ZBTB20: variants seen among roughly 807,000 people sequenced by gnomAD.
ZBTB20 encodes zinc finger and BTB domain-containing protein 20.
Under a neutral mutation model 56.9 loss-of-function variants are expected in ZBTB20, and 9 were observed. That is an observed-to-expected ratio of 0.16 (90% CI 0.10 to 0.28). ZBTB20 has a LOEUF of 0.28. Ranked by LOEUF, ZBTB20 falls within the 10% of genes least tolerant of loss-of-function variation. ZBTB20 has a pLI of 1.00. For synonymous variants in ZBTB20, 417 were observed against 420.7 expected (o/e 0.99, Z 0.11); for missense variants, 655 against 1,003.0 (o/e 0.65, Z 4.69).
rs952616512 is a variant in ZBTB20, at chr3:114,316,072, A to G, written c.*22933T>C. The stretch of plus-strand genomic sequence containing the variant: ...TTGAGGTTTCTGACATCTTTCACTG[A>G]AAAGGGCTTTCACTGTAGTAGTTTT... On this transcript the variant is annotated 3_prime_UTR_variant, in exon 12 of 12. Coordinates refer to ENST00000675478, the MANE Select transcript of ZBTB20 (RefSeq NM_001348800.3). The G allele has an allele frequency of 2.0e-5, 4 of 202,886 alleles. No individual in the cohort carries two copies. The highest frequency in any genetic ancestry group is 9.6e-5 in the African/African-American group (4 of 41,650). 12.6% of individuals were successfully genotyped at this position (202,886 alleles called of 1,614,324 possible). A position where few individuals can be genotyped will look rare whatever the true frequency, so the allele number is the denominator to read the frequency against.
intron 4 of ZBTB20, among the ~76,000 whole-genome samples, chr3:114,829,293 T>C (rs966483459): frequency 1.3e-5 from 2 of 151,982 alleles, no homozygotes; most frequent in South Asian, 2.1e-4. Flanking sequence ...AGGGAATCAA[T>C]GAAGAGATAT....
chr3:114,662,527 TAA>T (rs1277391814), intron 6 of ZBTB20, among the ~76,000 whole-genome samples: 36 of 144,764 alleles, frequency 2.5e-4, no homozygotes, highest in African/African-American at 9.2e-4. Context: ...ACCAACAGTG[TAA>T]AAGTGTTCCT....
At chr3:114,745,231 C>T (rs2066938339) in intron 5 of ZBTB20, among the ~76,000 whole-genome samples, 1 of 152,152 alleles carries the variant, frequency 6.6e-6, no homozygotes, top group African/African-American at 2.4e-5. Context: ...ACAACATCAA[C>T]TACACACCAG....
intron 5 of ZBTB20, among the ~76,000 whole-genome samples, chr3:114,719,554 A>T (rs2064759371): frequency 6.6e-6 from 1 of 152,128 alleles, no homozygotes; most frequent in Non-Finnish European, 1.5e-5. Flanking sequence ...GTATTGGGTT[A>T]TTAGGGGCAC....
At chr3:114,718,199 T>C (rs1400289562) in intron 5 of ZBTB20, among the ~76,000 whole-genome samples, 1 of 152,128 alleles carries the variant, frequency 6.6e-6, no homozygotes, top group Non-Finnish European at 1.5e-5. Flanking sequence ...TAGATCCACT[T>C]AATTGCTCCA....
intron 4 of ZBTB20, among the ~76,000 whole-genome samples, chr3:114,854,104 T>C (rs1267777008): frequency 6.6e-6 from 1 of 152,174 alleles, no homozygotes; most frequent in Non-Finnish European, 1.5e-5. Context: ...TTATTATTAA[T>C]AAAGTTTTGA....
At chr3:114,378,182 A>G (rs2108509275) in intron 10 of ZBTB20, among the ~76,000 whole-genome samples, 1 of 152,332 alleles carries the variant, frequency 6.6e-6, no homozygotes, top group Middle Eastern at 3.4e-3. Flanking sequence ...GTCTTCTCTC[A>G]AGCAATCTCC....
At chr3:114,989,372 T>G (rs1208902742) in intron 2 of ZBTB20, among the ~76,000 whole-genome samples, 1 of 152,226 alleles carries the variant, frequency 6.6e-6, no homozygotes, top group Non-Finnish European at 1.5e-5. Context: ...CTTTCCCTAT[T>G]TCTTGTTTTT....
rs567139142 is a variant in ZBTB20 at position 114,987,155 on chromosome 3, A to G, written c.-506-12739T>C. Among the ~76,000 whole-genome samples, 3 of 152,298 alleles carry G rather than the reference A, an allele frequency of 2.0e-5. No individual in the cohort carries two copies. In the South Asian group the frequency reaches 6.2e-4, roughly 32 times the overall value. On this transcript the variant is annotated intron_variant, in intron 2 of 11. Coordinates refer to ENST00000675478, the MANE Select transcript of ZBTB20 (RefSeq NM_001348800.3). ...TACATAAAGTAAGATTTTAGATAAC[A>G]TGATAAAGTCTGCTTCAGTTTGATT...
At chr3:114,828,727 T>C (rs1455851054) in intron 4 of ZBTB20, among the ~76,000 whole-genome samples, 1 of 151,880 alleles carries the variant, frequency 6.6e-6, no homozygotes, top group Non-Finnish European at 1.5e-5. Context: ...ACTCAATAGT[T>C]TTAGCATCTT....
chr3:114,359,035 C>T (rs1414265534), intron 10 of ZBTB20, among the ~76,000 whole-genome samples: 1 of 152,076 alleles, frequency 6.6e-6, no homozygotes, highest in African/African-American at 2.4e-5. Context: ...AAAATTTTCA[C>T]CAGCCTCATT....
chr3:115,076,692 G>T (rs1006576753), intron 1 of ZBTB20, among the ~76,000 whole-genome samples: 17 of 152,086 alleles, frequency 1.1e-4, no homozygotes, highest in African/African-American at 3.6e-4. Context: ...AAATAAACAG[G>T]TAAGACTATA....
intron 7 of ZBTB20, among the ~76,000 whole-genome samples, chr3:114,457,340 T>C (rs1371683381): frequency 1.3e-5 from 2 of 152,188 alleles, no homozygotes; most frequent in African/African-American, 4.8e-5. Flanking sequence ...ACACAGCTAG[T>C]CATTACACGG....
chr3:114,860,136 A>G (rs991723355), intron 4 of ZBTB20, among the ~76,000 whole-genome samples: 3 of 152,062 alleles, frequency 2.0e-5, no homozygotes, highest in Admixed American at 2.0e-4. Flanking sequence ...GTGAAACCCC[A>G]TCTCTACTAA....
chr3:114,698,151 G>A (rs1472819995), intron 5 of ZBTB20, among the ~76,000 whole-genome samples: 4 of 151,908 alleles, frequency 2.6e-5, no homozygotes, highest in African/African-American at 7.3e-5. Context: ...AATATATCAC[G>A]GGAATGTCAT....
chr3:115,051,264 T>C (rs1184235439), intron 2 of ZBTB20, among the ~76,000 whole-genome samples: 2 of 152,092 alleles, frequency 1.3e-5, no homozygotes, highest in African/African-American at 4.8e-5. Flanking sequence ...ATATTACTAA[T>C]GCCTTGTGGG....
chr3:115,129,466 G>A (rs2084437843), intron 1 of ZBTB20, among the ~76,000 whole-genome samples: 1 of 152,188 alleles, frequency 6.6e-6, no homozygotes, highest in African/African-American at 2.4e-5. Flanking sequence ...ACCAACTAAT[G>A]TAGGTATTTC....
intron 5 of ZBTB20, among the ~76,000 whole-genome samples, chr3:114,718,865 C>T (rs2064702567): frequency 6.6e-6 from 1 of 151,780 alleles, no homozygotes; most frequent in Non-Finnish European, 1.5e-5. Flanking sequence ...GTCATGAGAA[C>T]ATAGTAGCAA....
At chr3:114,652,908 C>A (rs1220734065) in intron 6 of ZBTB20, among the ~76,000 whole-genome samples, 3 of 151,854 alleles carry the variant, frequency 2.0e-5, no homozygotes, top group Non-Finnish European at 4.4e-5. Flanking sequence ...TATTTATAGG[C>A]TACTGTAAAT....
Sources: allele counts gnomAD v4.1 joint callset (sites outside exome capture counted in the v4.1 genomes callset), GRCh38; gene constraint gnomAD v4.1.1; transcripts MANE v1.5; gene names NCBI Gene and HGNC (gene_info 2026-07-23, HGNC 2026-07-21).